The following DYSF variants were observed in gnomAD, a reference collection of about 807,000 sequenced individuals.
DYSF encodes the protein dystrophy-associated fer-1-like 1.
A neutral mutation model predicts 274.9 loss-of-function variants in DYSF; 212 were observed. The ratio of observed to expected loss-of-function variants is 0.77; its 90% CI spans 0.69 to 0.86. The LOEUF (loss-of-function observed/expected upper bound fraction) is 0.86, where lower values mean the gene tolerates loss of function less well. DYSF is among the 40% of genes least tolerant of loss of function. The pLI is 0.00. For synonymous variants in DYSF, 1,091 were observed against 1,078.7 expected, an observed-to-expected ratio of 1.01 and a Z score of -0.22; for missense variants, 2,666 against 2,783.2, an observed-to-expected ratio of 0.96 and a Z score of 0.95.
In DYSF at chr2:71,501,903, G is replaced by T. The variant is rs1376209598; in HGVS notation, c.240-1311G>T. Among the ~76,000 whole-genome samples the T allele has an allele frequency of 3.3e-5, 5 of 152,212 alleles. No individual in the cohort carries two copies. In the East Asian group the frequency reaches 7.7e-4, roughly 24 times the overall value. On this transcript the variant is annotated intron_variant, in intron 3 of 55. Coordinates refer to ENST00000410020, the MANE Select transcript of DYSF (RefSeq NM_001130987.2). ...GTCCCTGATTTCAATTTTTTTGGGG[G>T]TATATAACTAGAAGTGGAATTGCTA...
intron 29 of DYSF, among the ~76,000 whole-genome samples, chr2:71,572,082 C>A (rs1257476273): frequency 1.4e-5 from 2 of 147,896 alleles, no homozygotes; most frequent in African/African-American, 5.0e-5. Context: ...ACACCCAGCA[C>A]ACCCACAGAT....
chr2:71,480,992 A>C, intron 2 of DYSF, 54 bp downstream of exon 2: 1 of 1,569,792 alleles, frequency 6.4e-7, no homozygotes, highest in South Asian at 1.1e-5. Context: ...TTGTGTCTGC[A>C]GGGACAAGTT....
At chr2:71,550,935 G>T in intron 17 of DYSF, 106 bp from the exon 18 acceptor site, 2 of 892,056 alleles carry the variant, frequency 2.2e-6, no homozygotes, top group Non-Finnish European at 3.8e-6. Flanking sequence ...GGTGCATGTG[G>T]GGGGGAACTG....
intron 24 of DYSF, among the ~76,000 whole-genome samples, chr2:71,566,001 G>A (rs1418005893): frequency 1.3e-5 from 2 of 151,926 alleles, no homozygotes; most frequent in Admixed American, 1.3e-4. Context: ...GTGTGTCTGT[G>A]TGTGTGTGTG....
chr2:71,676,326 A>G (rs996740717), intron 52 of DYSF, among the ~76,000 whole-genome samples: 1 of 110,934 alleles, frequency 9.0e-6, no homozygotes, highest in African/African-American at 2.7e-5. Context: ...CTGTACATTA[A>G]AAAAAAATTG....
At chr2:71,462,560 G>A (rs976700698), upstream of DYSF, among the ~76,000 whole-genome samples, 45 of 152,314 alleles carry the variant, frequency 3.0e-4, no homozygotes, top group African/African-American at 1.1e-3. Flanking sequence ...CTGTTCAGTG[G>A]GTCCTGGGTC....
chr2:71,629,101 G>A (rs1270702792), intron 41 of DYSF, among the ~76,000 whole-genome samples: 1 of 152,068 alleles, frequency 6.6e-6, no homozygotes, highest in Non-Finnish European at 1.5e-5. Context: ...GATATACAGT[G>A]GACCTCTTCT....
rs763925689 is a variant in DYSF, at chr2:71,570,262, G to C, written c.3013G>C (p.Glu1005Gln). The change falls in exon 28 of 56, where the codon GAG becomes CAG. Residue 1005 changes from glutamate (E) to glutamine (Q), a missense_variant. This residue lies in a region of DYSF where 1,460 missense variants were observed against 1,502.1 expected (regional missense o/e 0.97). Transcript: ENST00000410020. ...GEKVLPKDDI[E>Q]CPLGWKWEDE... Reference sequence around the variant, plus strand: ...GAAGGTGCTTCCCAAGGATGACATTGAGTGCCCACTGGGCTGGAAGTGGGA... The same window carrying C: ...GAAGGTGCTTCCCAAGGATGACATTCAGTGCCCACTGGGCTGGAAGTGGGA... The C allele has an allele frequency of 5.6e-6, 9 of 1,614,156 alleles. No homozygotes were observed. In the Admixed American group the frequency reaches 1.3e-4, roughly 24 times the overall value.
intron 2 of DYSF, 70 bp from the exon 3 acceptor site, chr2:71,481,809 A>G: frequency 7.6e-7 from 1 of 1,324,092 alleles, no homozygotes; most frequent in Non-Finnish European, 1.1e-6. Flanking sequence ...GGTGGCACGA[A>G]GGTGAACCAG....
In DYSF at chr2:71,615,770, A is replaced by C. The variant is rs2093867307; in HGVS notation, c.4464+2360A>C. On this transcript the variant is annotated intron_variant, in intron 40 of 55. Coordinates refer to ENST00000410020, the MANE Select transcript of DYSF (RefSeq NM_001130987.2). The surrounding 1 kb of genome is among the most constrained non-coding windows in gnomAD (Gnocchi z 4.9). The stretch of plus-strand genomic sequence containing the variant: ...CTCTCCCTCCTTCCCCAGTGCAGAT[A>C]GCATGAAGGGCCCTGGCTTCTGGGG... 6.6e-6 allele frequency among the ~76,000 whole-genome samples: 1 copy of C among 152,148 alleles called. No individual in the cohort carries two copies. Among genetic ancestry groups the C allele is most frequent in the South Asian group, 2.1e-4 (1 of 4,814 alleles).
intron 1 of DYSF, among the ~76,000 whole-genome samples, chr2:71,461,001 A>AGG (rs2081262622): frequency 3.9e-5 from 6 of 152,000 alleles, no homozygotes; most frequent in Admixed American, 3.9e-4. Flanking sequence ...AAGTCCCTCT[A>AGG]GGGGGCAGTA....
chr2:71,686,342 T>G (rs917815614), intron 55 of DYSF, 112 bp from the exon 56 acceptor site: 1 of 1,368,128 alleles, frequency 7.3e-7, no homozygotes, highest in Non-Finnish European at 1.0e-6. Flanking sequence ...CCCAGCCTCT[T>G]GCCTGTTGGC....
intron 1 of DYSF, among the ~76,000 whole-genome samples, chr2:71,476,459 T>C (rs2082400003): frequency 6.6e-6 from 1 of 151,520 alleles, no homozygotes; most frequent in Non-Finnish European, 1.5e-5. Flanking sequence ...GAGAATCGCT[T>C]GAACCTGGGA....
chr2:71,475,951 T>C (rs1463732280), intron 1 of DYSF, among the ~76,000 whole-genome samples: 2 of 151,950 alleles, frequency 1.3e-5, no homozygotes, highest in African/African-American at 4.8e-5. Flanking sequence ...TGTAAATTTT[T>C]TGTAGAGATG....
Position 71,590,323 on chromosome 2 carries a change from TGG to T in DYSF, c.3574+37_3574+38del, listed in dbSNP as rs558686258. 342 of 1,610,914 alleles carry T rather than the reference TGG, an allele frequency of 2.1e-4. No homozygotes were observed. The African/African-American group carries it at 4.2e-3, about 20-fold the overall frequency. ...AGAGAGGCAGGAGAGTCAGAGACTG[TGG>T]GCTGAGATCTGGGAATGGAGACATC... On this transcript the variant is annotated intron_variant, in intron 32 of 55. Transcript: ENST00000410020.
At chr2:71,588,604 A>T (rs1460098657) in intron 30 of DYSF, 1 of 152,340 alleles carries the variant, frequency 6.6e-6, no homozygotes, top group Non-Finnish European at 1.5e-5. Flanking sequence ...TCTGAGGAAG[A>T]GGCCAGGGTT....
At chr2:71,478,235 A>ATG (rs2082554805) in intron 1 of DYSF, among the ~76,000 whole-genome samples, 2 of 147,628 alleles carry the variant, frequency 1.4e-5, no homozygotes, top group Admixed American at 6.8e-5. Flanking sequence ...TTTTTGAGGC[A>ATG]GAGTCTCACT....
At position 71,602,729 on chromosome 2, in the gene DYSF, C is replaced by A. The variant is rs768564700; in HGVS notation, c.3928-47C>A. 7 of 1,605,134 alleles carry A rather than the reference C, an allele frequency of 4.4e-6. No homozygotes were observed. The East Asian group carries it at 1.6e-4, about 36-fold the overall frequency. The stretch of plus-strand genomic sequence containing the variant: ...TAGAGAACTTTTTCCCCTTCCAACC[C>A]CTCTCACCATCTCCTGGATGTGCCA... On this transcript the variant is annotated intron_variant, in intron 35 of 55. Transcript: ENST00000410020.
At chr2:71,475,083 A>G (rs977074657) in intron 1 of DYSF, among the ~76,000 whole-genome samples, 1 of 152,304 alleles carries the variant, frequency 6.6e-6, no homozygotes, top group East Asian at 1.9e-4. Flanking sequence ...AGTGGCTGTT[A>G]GTTGAGTGAC....
Sources: allele counts gnomAD v4.1 joint callset (sites outside exome capture counted in the v4.1 genomes callset), GRCh38; gene constraint gnomAD v4.1.1; regional missense constraint gnomAD v4.1.1; non-coding constraint Gnocchi (gnomAD v3.1); transcripts MANE v1.5; gene names NCBI Gene and HGNC (gene_info 2026-07-23, HGNC 2026-07-21).